The following SVOP variants were observed in gnomAD, a reference collection of about 807,000 sequenced individuals.
SVOP encodes synaptic vesicle 2-related protein.
Under a neutral mutation model 69.1 loss-of-function variants are expected in SVOP, and 17 were observed. The ratio of observed to expected loss-of-function variants is 0.25; its 90% CI spans 0.17 to 0.37. The LOEUF is 0.37. Among genes scored for constraint, SVOP ranks in the 10% least tolerant of loss-of-function variants. SVOP has a pLI of 1.00. For synonymous variants in SVOP, 238 were observed against 238.6 expected (o/e 1.00, Z 0.02); for missense variants, 435 against 597.5 (o/e 0.73, Z 2.84).
chr12:108,950,535 A>G lies in SVOP; in HGVS notation c.579-5369T>C, dbSNP rs181088197. ...GTAGCTGGGACTACAGGTGTGCACC[A>G]CCACACTTGGCTAATTTTTGTATTT... On this transcript the variant is annotated intron_variant, in intron 6 of 15. Coordinates refer to ENST00000610966, the MANE Select transcript of SVOP (RefSeq NM_018711.5). Among the ~76,000 whole-genome samples, 477 of 152,078 alleles carry G rather than the reference A, an allele frequency of 3.1e-3. 2 individuals carry two copies. The highest frequency in any genetic ancestry group is 5.8e-3 in the Non-Finnish European group (396 of 67,972).
intron 15 of SVOP, 38 bp downstream of exon 15, chr12:108,915,745 T>C (rs2137385405): frequency 6.4e-7 from 1 of 1,558,478 alleles, no homozygotes; most frequent in Non-Finnish European, 8.7e-7. Context: ...TGGGGTTTTG[T>C]CACCCCCCAT....
At chr12:108,964,946 A>G (rs74209923) in intron 5 of SVOP, among the ~76,000 whole-genome samples, 1,976 of 152,344 alleles carry the variant, frequency 0.013, 22 homozygotes, top group South Asian at 0.046. Flanking sequence ...TGTATACCAG[A>G]CACTGACATA....
At chr12:108,952,582 C>T (rs548053096) in intron 6 of SVOP, among the ~76,000 whole-genome samples, 1 of 152,276 alleles carries the variant, frequency 6.6e-6, no homozygotes, top group South Asian at 2.1e-4. Context: ...CGGTGGCTCA[C>T]ACCTGTAATC....
chr12:108,954,066 A>G (rs1160925877), intron 6 of SVOP, among the ~76,000 whole-genome samples: 1 of 147,676 alleles, frequency 6.8e-6, no homozygotes, highest in Non-Finnish European at 1.5e-5. Context: ...GAGCCGAGAT[A>G]TCACACCACT....
rs542727032 is a variant in SVOP, at chr12:109,006,633, T to A, written c.35+14201A>T. Among the ~76,000 whole-genome samples the A allele has an allele frequency of 1.1e-4, 16 of 152,236 alleles. No homozygotes were observed. In the East Asian group the frequency reaches 2.9e-3, roughly 28 times the overall value. ...CTTAGGTTCGGTTCGTTTGAATAAT[T>A]TCATCCTTCTCTGGAGCATAGGGGC... On this transcript the variant is annotated intron_variant, in intron 1 of 15. Coordinates refer to ENST00000610966, the MANE Select transcript of SVOP (RefSeq NM_018711.5).
chr12:108,922,814 G>C lies in SVOP; in HGVS notation c.1049-17C>G, dbSNP rs1171015284. On this transcript the variant is annotated splice_polypyrimidine_tract_variant and intron_variant, in intron 11 of 15. Coordinates refer to ENST00000610966, the MANE Select transcript of SVOP (RefSeq NM_018711.5). ...GACTGGAGACTGGGGTTGGGAGAGAGAAAGAGAGGGGGAGACATATACAGA... is the reference window on the plus strand; with the variant it reads ...GACTGGAGACTGGGGTTGGGAGAGACAAAGAGAGGGGGAGACATATACAGA... 6.4e-7 allele frequency: 1 copy of C among 1,557,586 alleles called. No individual in the cohort carries two copies. Among genetic ancestry groups the C allele is most frequent in the Non-Finnish European group, 8.8e-7 (1 of 1,139,982 alleles).
intron 11 of SVOP, among the ~76,000 whole-genome samples, chr12:108,933,084 G>A (rs2137400191): frequency 6.6e-6 from 1 of 151,954 alleles, no homozygotes; most frequent in East Asian, 1.9e-4. Context: ...TTGTCATGTT[G>A]GCCAGGCTGG....
At chr12:108,939,056 G>T in intron 8 of SVOP, 101 bp from the exon 9 acceptor site, 1 of 1,540,314 alleles carries the variant, frequency 6.5e-7, no homozygotes, top group Non-Finnish European at 8.8e-7. Context: ...TTTAAGAGTG[G>T]GGGCTCTGGA....
chr12:108,949,101 G>GT (rs1009766064), intron 6 of SVOP, among the ~76,000 whole-genome samples: 5 of 152,042 alleles, frequency 3.3e-5, no homozygotes, highest in African/African-American at 7.2e-5. Context: ...TTTTCATTCT[G>GT]TTTTTTTGTT....
At position 108,930,755 on chromosome 12, in the gene SVOP, G is replaced by A. The variant is rs376425022; in HGVS notation, c.1048+3440C>T. Among the ~76,000 whole-genome samples, 33 of 152,226 alleles carry A rather than the reference G, an allele frequency of 2.2e-4. No homozygotes were observed. In the East Asian group the frequency reaches 3.5e-3, roughly 16 times the overall value. On this transcript the variant is annotated intron_variant, in intron 11 of 15. Coordinates refer to ENST00000610966, the MANE Select transcript of SVOP (RefSeq NM_018711.5). Reference sequence around the variant, plus strand: ...GGTGAGTTGACTGCTTTTGAGTGGCGGAAATCAGCGATTGGCACAAGAGTA... The same window carrying A: ...GGTGAGTTGACTGCTTTTGAGTGGCAGAAATCAGCGATTGGCACAAGAGTA...
chr12:108,974,978 C>T (rs1489162594), intron 4 of SVOP, among the ~76,000 whole-genome samples: 2 of 152,136 alleles, frequency 1.3e-5, no homozygotes, highest in African/African-American at 4.8e-5. Context: ...TCATCTGCAA[C>T]CTACAATTTT....
intron 6 of SVOP, among the ~76,000 whole-genome samples, chr12:108,948,295 G>A (rs1249410315): frequency 1.3e-5 from 2 of 152,138 alleles, no homozygotes; most frequent in African/African-American, 4.8e-5. Context: ...ACTTATAGAG[G>A]AATCTCTGCC....
At chr12:108,981,699 A>G (rs904315761) in intron 2 of SVOP, among the ~76,000 whole-genome samples, 7 of 152,198 alleles carry the variant, frequency 4.6e-5, no homozygotes, top group Non-Finnish European at 8.8e-5. Flanking sequence ...AATAGATCCA[A>G]TTGGAACTGT....
chr12:108,949,701 C>CT (rs375186844), intron 6 of SVOP, among the ~76,000 whole-genome samples: 160 of 147,770 alleles, frequency 1.1e-3, no homozygotes, highest in South Asian at 3.0e-3. Context: ...TTCTTTCCTT[C>CT]TTTTTTTTTT....
In SVOP at chr12:108,921,974, AAGAT is replaced by A. The variant is rs112733466; in HGVS notation, c.1156+712_1156+715del. Among the ~76,000 whole-genome samples, 23 of 152,322 alleles carry A rather than the reference AAGAT, an allele frequency of 1.5e-4. 1 individual carries two copies. Among genetic ancestry groups the A allele is most frequent in the African/African-American group, 5.5e-4 (23 of 41,576 alleles). On this transcript the variant is annotated intron_variant, in intron 12 of 15. Coordinates refer to ENST00000610966, the MANE Select transcript of SVOP (RefSeq NM_018711.5). ...ATAATTATTCCTCTTAAAAGAAAAA[AAGAT>A]AGATCACCTTTGCATCACGTGCAGG...
In SVOP at chr12:108,937,348, A is replaced by G; in HGVS notation, c.898-11T>C. ...TTTGCCTCGGTCTTCCTGTTTCAAA[A>G]CAAGGACATAGTGTTTATTCTCTCC... On this transcript the variant is annotated splice_polypyrimidine_tract_variant and intron_variant, in intron 9 of 15. Coordinates refer to ENST00000610966, the MANE Select transcript of SVOP (RefSeq NM_018711.5). The G allele has an allele frequency of 1.9e-6, 3 of 1,613,706 alleles. No homozygotes were observed. Among genetic ancestry groups the G allele is most frequent in the Non-Finnish European group, 2.5e-6 (3 of 1,179,634 alleles).
In SVOP at chr12:108,910,181, C is replaced by T. The variant is rs943052263; in HGVS notation, c.*2354G>A. 6.6e-6 allele frequency: 1 copy of T among 152,194 alleles called. No homozygotes were observed. The highest frequency in any genetic ancestry group is 2.4e-5 in the African/African-American group (1 of 41,438). 9.4% of individuals were successfully genotyped at this position (152,194 alleles called of 1,614,324 possible). A position where few individuals can be genotyped will look rare whatever the true frequency, so the allele number is the denominator to read the frequency against. On this transcript the variant is annotated 3_prime_UTR_variant, in exon 16 of 16. Transcript: ENST00000610966. ...GTTTCACCATGTTAGCCAGGATGGT[C>T]TCGATCTCCTGACCTTGTGATCCGC... is the stretch of plus-strand genomic sequence containing the variant.
intron 1 of SVOP, among the ~76,000 whole-genome samples, chr12:109,000,272 A>T (rs1489783513): frequency 1.3e-5 from 2 of 150,152 alleles, no homozygotes; most frequent in Admixed American, 6.7e-5. Context: ...AAGAAGTTGA[A>T]TCTCTGAATA....
chr12:108,926,858 A>C (rs1279666150), intron 11 of SVOP, among the ~76,000 whole-genome samples: 2 of 152,200 alleles, frequency 1.3e-5, no homozygotes, highest in African/African-American at 4.8e-5. Context: ...TGGGTCTCTG[A>C]CATTTCTGCA....
Sources: allele counts gnomAD v4.1 joint callset (sites outside exome capture counted in the v4.1 genomes callset), GRCh38; gene constraint gnomAD v4.1.1; transcripts MANE v1.5; gene names NCBI Gene and HGNC (gene_info 2026-07-23, HGNC 2026-07-21).